The following ACO1 variants were observed in gnomAD, a reference collection of about 807,000 sequenced individuals.
ACO1 encodes the protein cytoplasmic aconitate hydratase.
ACO1 carries 78 observed loss-of-function variants against 105.1 expected under a neutral mutation model. The observed-to-expected ratio is 0.74, with a 90% CI of 0.62 to 0.90. ACO1 has a LOEUF of 0.90. Ranked by LOEUF, ACO1 falls within the 40% of genes least tolerant of loss-of-function variation. The pLI, the probability that ACO1 is intolerant of heterozygous loss-of-function variation, is 0.00. For missense variants in ACO1, 965 were observed against 1,111.1 expected (o/e 0.87, Z 1.87); for synonymous variants, 364 against 397.4 (o/e 0.92, Z 1.00).
chr9:32,416,940 A>G (rs528440120), intron 4 of ACO1, among the ~76,000 whole-genome samples: 1 of 152,366 alleles, frequency 6.6e-6, no homozygotes, highest in South Asian at 2.1e-4. Context: ...CTGAGCGCCC[A>G]CAACGTAATG....
At chr9:32,390,821 A>T (rs747129882) in intron 1 of ACO1, among the ~76,000 whole-genome samples, 1 of 152,190 alleles carries the variant, frequency 6.6e-6, no homozygotes, top group Non-Finnish European at 1.5e-5. Flanking sequence ...TAAAAAGAAA[A>T]TGTTTTTAAT....
At chr9:32,395,746 A>T (rs1821359825) in intron 1 of ACO1, among the ~76,000 whole-genome samples, 1 of 152,152 alleles carries the variant, frequency 6.6e-6, no homozygotes, top group South Asian at 2.1e-4. Flanking sequence ...TTTCTTTCTC[A>T]GCCTGTCTCT....
intron 1 of ACO1, among the ~76,000 whole-genome samples, chr9:32,385,965 T>C (rs1587504043): frequency 2.0e-5 from 3 of 152,340 alleles, no homozygotes; most frequent in Non-Finnish European, 2.9e-5. Context: ...ACCTCTGGTA[T>C]CTGGAACCAA....
At chr9:32,415,544 T>G (rs778696851) in intron 4 of ACO1, among the ~76,000 whole-genome samples, 6 of 152,096 alleles carry the variant, frequency 3.9e-5, no homozygotes, top group Non-Finnish European at 8.8e-5. Flanking sequence ...ACTGGAAACA[T>G]AGATCTGGAC....
chr9:32,385,167 G>A lies in ACO1; in HGVS notation c.-23+432G>A, dbSNP rs1327930738. On this transcript the variant is annotated intron_variant, in intron 1 of 20. Transcript: ENST00000309951. ...GCAGATCCGGGAATCCACTCCAAGG[G>A]GTAAAGGGAAAATGGGATGAGGGGG... 2.6e-5 allele frequency among the ~76,000 whole-genome samples: 4 copies of A among 152,206 alleles called. No homozygotes were observed. The East Asian group carries it at 7.7e-4, about 29-fold the overall frequency.
At chr9:32,447,345 A>G (rs1443144356) in intron 19 of ACO1, among the ~76,000 whole-genome samples, 1 of 151,780 alleles carries the variant, frequency 6.6e-6, no homozygotes, top group African/African-American at 2.4e-5. Flanking sequence ...CTTTTCTTCC[A>G]CTTGATCAAT....
At chr9:32,428,870 GT>G (rs1822162661) in intron 12 of ACO1, among the ~76,000 whole-genome samples, 1 of 151,976 alleles carries the variant, frequency 6.6e-6, no homozygotes, top group Non-Finnish European at 1.5e-5. Context: ...GCGTGAGTTT[GT>G]TTATACCAGC....
Position 32,453,130 on chromosome 9 carries a change from A to T in ACO1, c.*3019A>T, listed in dbSNP as rs935246966. On this transcript the variant is annotated 3_prime_UTR_variant, in exon 21 of 21. Coordinates refer to ENST00000309951, the MANE Select transcript of ACO1 (RefSeq NM_002197.3). ...CCTCCCATATTCTTTGCGAATGAAG[A>T]TTCCCCTGTTTGTTTGGATAGTTTT... is the stretch of plus-strand genomic sequence containing the variant. The T allele has an allele frequency of 7.0e-6, 1 of 143,764 alleles. No individual in the cohort carries two copies. The highest frequency in any genetic ancestry group is 2.6e-5 in the African/African-American group (1 of 38,516). The allele number at this position is 143,764 out of a possible 1,614,324, so 8.9% of individuals were successfully genotyped here.
chr9:32,442,521 A>G (rs1360114212), intron 19 of ACO1, among the ~76,000 whole-genome samples: 1 of 152,176 alleles, frequency 6.6e-6, no homozygotes, highest in East Asian at 1.9e-4. Flanking sequence ...ATTGCCAATT[A>G]TAGATTCCCA....
chr9:32,444,670 G>A (rs1373134533), intron 19 of ACO1, among the ~76,000 whole-genome samples: 5 of 152,068 alleles, frequency 3.3e-5, no homozygotes, highest in African/African-American at 1.2e-4. Context: ...GATGGGGTGA[G>A]AGAGGGCATC....
At chr9:32,429,270 T>A (rs1822172263) in intron 12 of ACO1, 149 bp from the exon 13 acceptor site, 2 of 598,552 alleles carry the variant, frequency 3.3e-6, no homozygotes, top group Admixed American at 3.4e-5. Context: ...CTCTCAAGAA[T>A]GAAACTTTTA....
chr9:32,417,981 T>A, intron 4 of ACO1, 147 bp from the exon 5 acceptor site: 1 of 694,506 alleles, frequency 1.4e-6, no homozygotes, highest in Non-Finnish European at 2.4e-6. Context: ...TCTCCTATTC[T>A]GCATTGTAAA....
chr9:32,407,855 CTCACA>C (rs1821649545), intron 3 of ACO1, among the ~76,000 whole-genome samples: 1 of 152,224 alleles, frequency 6.6e-6, no homozygotes, highest in Non-Finnish European at 1.5e-5. Flanking sequence ...GATGATGTAG[CTCACA>C]TCACAAGTCT....
intron 18 of ACO1, among the ~76,000 whole-genome samples, chr9:32,438,162 A>C (rs1201906318): frequency 6.6e-6 from 1 of 152,228 alleles, no homozygotes; most frequent in Non-Finnish European, 1.5e-5. Flanking sequence ...AGGAAATAAG[A>C]CATGTTCCAG....
intron 1 of ACO1, among the ~76,000 whole-genome samples, chr9:32,397,658 A>G (rs1490734073): frequency 6.6e-6 from 1 of 152,242 alleles, no homozygotes; most frequent in Non-Finnish European, 1.5e-5. Context: ...TTAAACAGAA[A>G]TGAAATATAG....
intron 1 of ACO1, among the ~76,000 whole-genome samples, chr9:32,402,974 G>A (rs1363324657): frequency 2.6e-5 from 4 of 152,176 alleles, no homozygotes; most frequent in Non-Finnish European, 5.9e-5. Flanking sequence ...ACAGTGCCTG[G>A]CTCAGACCTG....
rs564082521 is a variant in ACO1 at position 32,427,122 on chromosome 9, C to T, written c.1349-179C>T. 2.0e-5 allele frequency among the ~76,000 whole-genome samples: 3 copies of T among 152,216 alleles called. 1 individual carries two copies. In the South Asian group the frequency reaches 6.2e-4, roughly 32 times the overall value. ...TGCATATATCTAAATGACCGTTGGC[C>T]AGGGAGCCTTTAGATTTCTGTTTGG... On this transcript the variant is annotated intron_variant, in intron 11 of 20. Coordinates refer to ENST00000309951, the MANE Select transcript of ACO1 (RefSeq NM_002197.3).
chr9:32,390,636 A>G lies in ACO1; in HGVS notation c.-23+5901A>G, dbSNP rs867153921. Reference sequence around the variant, plus strand: ...AGTTCACTGGAGAAAAATTTTGAGTATAAAAGAAATCCATCACATTAAAAG... The same window carrying G: ...AGTTCACTGGAGAAAAATTTTGAGTGTAAAAGAAATCCATCACATTAAAAG... On this transcript the variant is annotated intron_variant, in intron 1 of 20. Coordinates refer to ENST00000309951, the MANE Select transcript of ACO1 (RefSeq NM_002197.3). 5.2e-5 allele frequency among the ~76,000 whole-genome samples: 8 copies of G among 152,386 alleles called. No individual in the cohort carries two copies. In the South Asian group the frequency reaches 1.2e-3, roughly 24 times the overall value.
At chr9:32,405,420 C>A in intron 1 of ACO1, 65 bp from the exon 2 acceptor site, 2 of 910,778 alleles carry the variant, frequency 2.2e-6, no homozygotes, top group Non-Finnish European at 3.5e-6. Flanking sequence ...GCCTTCCTCC[C>A]AGTCCTGATT....
Sources: gnomAD v4.1 joint callset for allele counts (sites outside exome capture counted in the v4.1 genomes callset) on GRCh38, gnomAD v4.1.1 for gene constraint, MANE v1.5 for transcripts, NCBI Gene and HGNC (gene_info 2026-07-23, HGNC 2026-07-21) for gene names.